The following VPS13C variants were observed in gnomAD, a reference collection of about 807,000 sequenced individuals.
The protein encoded by VPS13C is intermembrane lipid transfer protein VPS13C.
A neutral mutation model predicts 456.8 loss-of-function variants in VPS13C; 358 were observed. That is an observed-to-expected ratio of 0.78 (90% CI 0.72 to 0.86). The LOEUF is 0.86. Ranked by LOEUF, VPS13C falls within the 40% of genes least tolerant of loss-of-function variation. The probability of loss-of-function intolerance (pLI) is 0.00; values close to 1 mark genes in which losing one functional copy is unlikely to be tolerated. For synonymous variants in VPS13C, 1,578 were observed against 1,486.7 expected, an observed-to-expected ratio of 1.06 and a Z score of -1.41; for missense variants, 4,818 against 4,385.4, an observed-to-expected ratio of 1.10 and a Z score of -2.79.
intron 19 of VPS13C, 74 bp downstream of exon 19, chr15:61,984,783 A>G: frequency 6.9e-7 from 1 of 1,447,878 alleles, no homozygotes; most frequent in Non-Finnish European, 9.4e-7. Flanking sequence ...TCATTTTTAA[A>G]CCTGAATAAC....
rs72747870 is a variant in VPS13C, at chr15:61,889,999, C to T, written c.9341+166G>A. 0.055 allele frequency among the ~76,000 whole-genome samples: 8,429 copies of T among 152,186 alleles called. 443 individuals are homozygous for T. The highest frequency in any genetic ancestry group is 0.21 in the East Asian group (1,074 of 5,182). On this transcript the variant is annotated intron_variant, in intron 67 of 84. Coordinates refer to ENST00000644861, the MANE Select transcript of VPS13C (RefSeq NM_020821.3). ...AATATCTTAGTCATCTTTCTATCCT[C>T]GGGGCTTTTCAACTAACAGTTCAAA...
In VPS13C at chr15:61,873,336, C is replaced by T. The variant is rs1380855502; in HGVS notation, c.10488G>A (p.Lys3496=). The T allele has an allele frequency of 1.9e-6, 3 of 1,613,594 alleles. No homozygotes were observed. Among genetic ancestry groups the T allele is most frequent in the South Asian group, 1.1e-5 (1 of 91,070 alleles). ...CTTCTCTTCTTTTTTGCTGATATTC[C>T]TTGTCCATTGTAATTGCTGCCAAAC... The part of the protein sequence containing the change: ...GKGLAAITMD[K]EYQQKRREEL... The change falls in exon 78 of 85, where the codon AAG becomes AAA. Residue 3496 remains lysine (K), a synonymous_variant. Coordinates refer to ENST00000644861, the MANE Select transcript of VPS13C (RefSeq NM_020821.3).
intron 1 of VPS13C, among the ~76,000 whole-genome samples, chr15:62,046,013 A>G (rs2048389547): frequency 6.6e-6 from 1 of 152,202 alleles, no homozygotes; most frequent in Non-Finnish European, 1.5e-5. Flanking sequence ...GTAAGATGCC[A>G]TAATGCTCAC....
chr15:61,978,068 A>C (rs2045761439), intron 23 of VPS13C, among the ~76,000 whole-genome samples: 1 of 152,016 alleles, frequency 6.6e-6, no homozygotes, highest in African/African-American at 2.4e-5. Context: ...AAAAAACAAA[A>C]ATATTTACGT....
intron 13 of VPS13C, among the ~76,000 whole-genome samples, chr15:62,009,636 T>A (rs1050654443): frequency 6.6e-6 from 1 of 152,228 alleles, no homozygotes; most frequent in African/African-American, 2.4e-5. Context: ...ACACAGCTAC[T>A]AGAAAATCTA....
At chr15:61,878,935 A>T (rs1895661271) in intron 73 of VPS13C, among the ~76,000 whole-genome samples, 189 bp from the exon 74 acceptor site, 1 of 152,106 alleles carries the variant, frequency 6.6e-6, no homozygotes, top group Non-Finnish European at 1.5e-5. Context: ...TTTTGATAGA[A>T]TACAAATTAG....
At chr15:62,001,361 T>A (rs773845138) in intron 15 of VPS13C, among the ~76,000 whole-genome samples, 3 of 152,238 alleles carry the variant, frequency 2.0e-5, no homozygotes, top group African/African-American at 7.2e-5. Context: ...GTGATTGTGA[T>A]ATACTTCAGA....
chr15:62,044,491 C>T (rs2048344157), intron 1 of VPS13C, among the ~76,000 whole-genome samples: 1 of 152,054 alleles, frequency 6.6e-6, no homozygotes, highest in Non-Finnish European at 1.5e-5. Context: ...ATTAAACTAG[C>T]TAACATTTAA....
intron 31 of VPS13C, 79 bp downstream of exon 31, chr15:61,964,620 G>A: frequency 7.5e-7 from 1 of 1,326,366 alleles, no homozygotes; most frequent in East Asian, 2.3e-5. Flanking sequence ...GACTGAGTCA[G>A]ATAGTCTCTA....
At position 61,991,056 on chromosome 15, in the gene VPS13C, GT is replaced by G; in HGVS notation, c.1521del (p.Lys507AsnfsTer15). ...DDLMTPEEKD[K>X]LFTAIGYSES... ...TCACTATAACCAATGGCAGTGAAGA[GT>G]TTATCTTTTTCCTCTGGAGTCATAA... is the stretch of plus-strand genomic sequence containing the variant. On this transcript the variant is annotated frameshift_variant, in exon 18 of 85. Transcript: ENST00000644861. LOFTEE classifies it high-confidence loss of function. 6.2e-7 allele frequency: 1 copy of G among 1,612,400 alleles called. No homozygotes were observed. Among genetic ancestry groups the G allele is most frequent in the Non-Finnish European group, 8.5e-7 (1 of 1,179,402 alleles).
intron 66 of VPS13C, among the ~76,000 whole-genome samples, chr15:61,903,876 G>A (rs1393533514): frequency 6.6e-6 from 1 of 152,096 alleles, no homozygotes; most frequent in African/African-American, 2.4e-5. Flanking sequence ...AGAATATACT[G>A]GAAAAAGACA....
At chr15:61,987,356 G>A (rs977160142) in intron 18 of VPS13C, among the ~76,000 whole-genome samples, 8 of 152,114 alleles carry the variant, frequency 5.3e-5, no homozygotes, top group Non-Finnish European at 1.2e-4. Context: ...AGGTTTAATG[G>A]ACCCACAGTT....
chr15:62,041,796 G>A (rs1330728608), intron 2 of VPS13C, among the ~76,000 whole-genome samples: 1 of 151,864 alleles, frequency 6.6e-6, no homozygotes, highest in Non-Finnish European at 1.5e-5. Context: ...CTCCAGCCTG[G>A]GTGACAAGAC....
At chr15:61,878,959 C>T (rs922816887) in intron 73 of VPS13C, among the ~76,000 whole-genome samples, 1 of 151,994 alleles carries the variant, frequency 6.6e-6, no homozygotes, top group Admixed American at 6.6e-5. Flanking sequence ...GATCCAAAAA[C>T]AGAGTTCTAA....
At chr15:61,897,937 G>A (rs2042880766) in intron 66 of VPS13C, among the ~76,000 whole-genome samples, 1 of 152,026 alleles carries the variant, frequency 6.6e-6, no homozygotes, top group Admixed American at 6.5e-5. Context: ...AAGAGAGTGG[G>A]GGCCAATATT....
At chr15:61,872,451 T>C (rs1895103375) in intron 78 of VPS13C, among the ~76,000 whole-genome samples, 1 of 152,004 alleles carries the variant, frequency 6.6e-6, no homozygotes, top group African/African-American at 2.4e-5. Context: ...AGTGGAAGTG[T>C]AGAAAACTGA....
At position 62,033,540 on chromosome 15, in the gene VPS13C, T is replaced by A. The variant is rs142305905; in HGVS notation, c.286A>T (p.Ile96Phe). The A allele has an allele frequency of 6.4e-7, 1 of 1,573,962 alleles. No homozygotes were observed. The highest frequency in any genetic ancestry group is 8.7e-7 in the Non-Finnish European group (1 of 1,155,324). Residue 96 changes from isoleucine to phenylalanine, a missense_variant and splice_region_variant, in exon 5 of 85, where the codon ATT becomes TTT. Transcript: ENST00000644861. Reference protein sequence around the residue: ...LYLLVVPGASIKYDAVKEEKS... With the variant: ...LYLLVVPGASFKYDAVKEEKS... ...TCTTCTTTTACAGCATCATACTTAA[T>A]ACCTAAAAATATACAGTCAATTCAC...
At position 61,972,630 on chromosome 15, in the gene VPS13C, TA is replaced by T. The variant is rs1398750384; in HGVS notation, c.2751del (p.Glu919LysfsTer2). The T allele has an allele frequency of 1.9e-6, 3 of 1,612,570 alleles. No homozygotes were observed. The highest frequency in any genetic ancestry group is 2.5e-6 in the Non-Finnish European group (3 of 1,179,478). The part of the protein sequence containing the change: ...ELINLLLKFE[I>X]KEVILEFTKQ... Reference sequence around the variant, plus strand: ...ATAGACAAAAAAGCACATACTTCTTTAATTTCAAACTTGAGTAGAAGATTGA... The same window carrying T: ...ATAGACAAAAAAGCACATACTTCTTTATTTCAAACTTGAGTAGAAGATTGA... On this transcript the variant is annotated frameshift_variant, in exon 27 of 85. Transcript: ENST00000644861. LOFTEE classifies it high-confidence loss of function.
chr15:61,999,209 T>C (rs2046506978), intron 16 of VPS13C, among the ~76,000 whole-genome samples: 1 of 151,982 alleles, frequency 6.6e-6, no homozygotes, highest in Non-Finnish European at 1.5e-5. Context: ...TGAAACCCCA[T>C]CTCTACTAAA....
Sources: gnomAD v4.1 joint callset for allele counts (sites outside exome capture counted in the v4.1 genomes callset) on GRCh38, gnomAD v4.1.1 for gene constraint, MANE v1.5 for transcripts, NCBI Gene and HGNC (gene_info 2026-07-23, HGNC 2026-07-21) for gene names.